Variants in SNX14 observed in about 807,000 individuals in gnomAD.
SNX14 encodes sorting nexin-14.
Under a neutral mutation model 133.8 loss-of-function variants are expected in SNX14, and 93 were observed. That is an observed-to-expected ratio of 0.70 (90% CI 0.59 to 0.83). The LOEUF (loss-of-function observed/expected upper bound fraction) is 0.83, where lower values mean the gene tolerates loss of function less well. SNX14 is among the 40% of genes least tolerant of loss of function. SNX14 has a pLI of 0.00. For missense variants in SNX14, 945 were observed against 1,094.9 expected (o/e 0.86, Z 1.93); for synonymous variants, 368 against 365.6 (o/e 1.01, Z -0.07).
At chr6:85,538,583 CAA>C (rs1308970451) in intron 16 of SNX14, among the ~76,000 whole-genome samples, 2 of 151,982 alleles carry the variant, frequency 1.3e-5, no homozygotes, top group African/African-American at 4.8e-5. Flanking sequence ...AAGATACTGA[CAA>C]ATTAAACAAT....
intron 6 of SNX14, among the ~76,000 whole-genome samples, chr6:85,564,676 A>C (rs1793118313): frequency 6.6e-6 from 1 of 152,148 alleles, no homozygotes; most frequent in African/African-American, 2.4e-5. Flanking sequence ...GCAAATACAC[A>C]TGGTATAGGA....
Position 85,548,387 on chromosome 6 carries a change from AAAT to A in SNX14, c.792-14_792-12del, listed in dbSNP as rs953372724. On this transcript the variant is annotated splice_polypyrimidine_tract_variant and intron_variant, in intron 8 of 28. Coordinates refer to ENST00000314673, the MANE Select transcript of SNX14 (RefSeq NM_153816.6). ...AGTAAGGTCAGAGATCTGGAAAAAG[AAAT>A]AATAATAATTGTTTATATTTAGTGA... The A allele has an allele frequency of 3.9e-6, 6 of 1,554,686 alleles. No individual in the cohort carries two copies. The highest frequency in any genetic ancestry group is 5.2e-6 in the Non-Finnish European group (6 of 1,143,332).
chr6:85,582,456 CAAA>C (rs543353965), intron 1 of SNX14, among the ~76,000 whole-genome samples: 4 of 146,852 alleles, frequency 2.7e-5, no homozygotes, highest in African/African-American at 7.5e-5. Flanking sequence ...GAGACACACA[CAAA>C]AAAAACCTTC....
chr6:85,569,941 CCT>C (rs2128185565), intron 4 of SNX14, among the ~76,000 whole-genome samples: 1 of 152,294 alleles, frequency 6.6e-6, no homozygotes, highest in Admixed American at 6.5e-5. Context: ...TTGTTTCAAG[CCT>C]CTCTTTCCTT....
chr6:85,539,587 T>C (rs544084748), intron 15 of SNX14, among the ~76,000 whole-genome samples: 1 of 152,290 alleles, frequency 6.6e-6, no homozygotes, highest in African/African-American at 2.4e-5. Context: ...AGTCATGTAA[T>C]AGCAAATTAA....
At chr6:85,509,588 A>C (rs1439523496) in intron 26 of SNX14, among the ~76,000 whole-genome samples, 2 of 152,154 alleles carry the variant, frequency 1.3e-5, no homozygotes, top group African/African-American at 4.8e-5. Context: ...GAGATTTCGC[A>C]TATGTTCCCT....
chr6:85,574,921 C>G (rs1796829529), intron 1 of SNX14, among the ~76,000 whole-genome samples: 1 of 152,154 alleles, frequency 6.6e-6, no homozygotes, highest in African/African-American at 2.4e-5. Context: ...ATACCACAGG[C>G]TGATTAACCC....
At chr6:85,508,999 A>G (rs1363766307) in intron 26 of SNX14, among the ~76,000 whole-genome samples, 1 of 152,190 alleles carries the variant, frequency 6.6e-6, no homozygotes, top group South Asian at 2.1e-4. Flanking sequence ...ATGTGGCCCA[A>G]TACAAATCTT....
intron 21 of SNX14, among the ~76,000 whole-genome samples, chr6:85,521,385 C>T (rs1399695983): frequency 6.6e-6 from 1 of 152,176 alleles, no homozygotes; most frequent in African/African-American, 2.4e-5. Context: ...CACATGCACA[C>T]CACCATACCC....
intron 6 of SNX14, among the ~76,000 whole-genome samples, chr6:85,560,683 C>T (rs779779384): frequency 5.3e-5 from 8 of 152,138 alleles, no homozygotes; most frequent in Non-Finnish European, 7.4e-5. Context: ...ACATATATAT[C>T]TATAAACCAC....
intron 6 of SNX14, among the ~76,000 whole-genome samples, chr6:85,564,028 T>TA (rs1289895091): frequency 2.0e-5 from 3 of 152,276 alleles, no homozygotes; most frequent in Non-Finnish European, 4.4e-5. Flanking sequence ...GGTGTTTGGT[T>TA]ATCTGTCCTC....
At chr6:85,524,037 C>G (rs1777753972) in intron 21 of SNX14, among the ~76,000 whole-genome samples, 1 of 152,088 alleles carries the variant, frequency 6.6e-6, no homozygotes, top group African/African-American at 2.4e-5. Context: ...CAAAAACTAG[C>G]TGGGCTAGGT....
intron 6 of SNX14, among the ~76,000 whole-genome samples, chr6:85,562,450 GGCC>G: frequency 6.6e-6 from 1 of 152,108 alleles, no homozygotes; most frequent in Middle Eastern, 3.4e-3. Flanking sequence ...GATTGTTCAT[GGCC>G]GTGTAGAATT....
At chr6:85,544,969 G>C (rs572238307) in intron 12 of SNX14, among the ~76,000 whole-genome samples, 1 of 152,262 alleles carries the variant, frequency 6.6e-6, no homozygotes, top group East Asian at 1.9e-4. Context: ...GTAGAAGCCT[G>C]ATGACTAGTG....
At chr6:85,549,613 C>T (rs1227336510) in intron 8 of SNX14, 110 bp downstream of exon 8, 1 of 759,392 alleles carries the variant, frequency 1.3e-6, no homozygotes, top group Non-Finnish European at 1.8e-6. Flanking sequence ...AAATGAAAAG[C>T]TATTCATAGG....
Position 85,548,288 on chromosome 6 carries a change from T to A in SNX14, c.867+13A>T, listed in dbSNP as rs748052867. ...TAATTTGTAACAATTTAAAAAAAAA[T>A]CTTAAGTCTTACTGGATCAGCTAGG... On this transcript the variant is annotated intron_variant, in intron 9 of 28. Transcript: ENST00000314673. 4 of 1,582,524 alleles carry A rather than the reference T, an allele frequency of 2.5e-6. No homozygotes were observed. The highest frequency in any genetic ancestry group is 3.4e-6 in the Non-Finnish European group (4 of 1,163,788).
chr6:85,573,783 C>A (rs1796417204), intron 2 of SNX14, among the ~76,000 whole-genome samples: 1 of 152,186 alleles, frequency 6.6e-6, no homozygotes, highest in African/African-American at 2.4e-5. Flanking sequence ...CAATCAAAAT[C>A]TGGTAGTACA....
intron 23 of SNX14, among the ~76,000 whole-genome samples, chr6:85,515,902 AAAT>A (rs1283319741): frequency 6.6e-6 from 1 of 152,212 alleles, no homozygotes; most frequent in Non-Finnish European, 1.5e-5. Flanking sequence ...ATAAAAGTTG[AAAT>A]AATAAAGAGA....
At chr6:85,590,219 G>A (rs769707877) in intron 1 of SNX14, among the ~76,000 whole-genome samples, 3 of 152,048 alleles carry the variant, frequency 2.0e-5, no homozygotes, top group South Asian at 2.1e-4. Flanking sequence ...TTCAAAGCTC[G>A]GGGGTTAGAC....
Sources: allele counts gnomAD v4.1 joint callset (sites outside exome capture counted in the v4.1 genomes callset), GRCh38; gene constraint gnomAD v4.1.1; transcripts MANE v1.5; gene names NCBI Gene and HGNC (gene_info 2026-07-23, HGNC 2026-07-21).